Variants in RORB observed in about 807,000 individuals in gnomAD.
RORB encodes the protein RAR related orphan receptor B.
A neutral mutation model predicts 59.1 loss-of-function variants in RORB; 6 were observed. The ratio of observed to expected loss-of-function variants is 0.10; its 90% CI spans 0.06 to 0.20. The LOEUF is 0.20. RORB is among the 10% of genes least tolerant of loss of function. The pLI, the probability that RORB is intolerant of heterozygous loss-of-function variation, is 1.00. For missense variants in RORB, 320 were observed against 560.5 expected (o/e 0.57, Z 4.33); for synonymous variants, 215 against 204.5 (o/e 1.05, Z -0.44).
intron 4 of RORB, among the ~76,000 whole-genome samples, chr9:74,657,379 C>T (rs897189453): frequency 1.4e-4 from 22 of 152,168 alleles, no homozygotes; most frequent in African/African-American, 4.8e-4. Flanking sequence ...CTTGCTCTTT[C>T]GAAACCTCAC....
intron 1 of RORB, among the ~76,000 whole-genome samples, chr9:74,607,989 ACT>A (rs1823175368): frequency 6.6e-6 from 1 of 151,966 alleles, no homozygotes; most frequent in African/African-American, 2.4e-5. Context: ...AACGTGCTGA[ACT>A]CCCCATTGTT....
chr9:74,515,085 G>A (rs1380748411), intron 1 of RORB, among the ~76,000 whole-genome samples: 1 of 148,108 alleles, frequency 6.8e-6, no homozygotes, highest in African/African-American at 2.5e-5. Flanking sequence ...AACATCTGGT[G>A]TATCTAGTGT....
intron 1 of RORB, among the ~76,000 whole-genome samples, chr9:74,499,848 CG>C (rs1315710947): frequency 1.3e-4 from 20 of 152,114 alleles, no homozygotes; most frequent in African/African-American, 4.6e-4. Flanking sequence ...TTCTGAACGT[CG>C]TAAACTATGC....
Position 74,671,774 on chromosome 9 carries a change from T to C in RORB, c.1112-15T>C. ...GTTGATGTTCCCTCCACTTACCCACTCTTTCTTTCATCAGACCGAGCCTGG... is the reference window on the plus strand; with the variant it reads ...GTTGATGTTCCCTCCACTTACCCACCCTTTCTTTCATCAGACCGAGCCTGG... On this transcript the variant is annotated splice_polypyrimidine_tract_variant and intron_variant, in intron 8 of 9. Coordinates refer to ENST00000376896, the MANE Select transcript of RORB (RefSeq NM_006914.4). 6.4e-7 allele frequency: 1 copy of C among 1,564,940 alleles called. No homozygotes were observed. Among genetic ancestry groups the C allele is most frequent in the Non-Finnish European group, 8.8e-7 (1 of 1,140,314 alleles).
chr9:74,630,183 T>C (rs1458158431), intron 1 of RORB, 99 bp from the exon 2 acceptor site: 4 of 1,473,484 alleles, frequency 2.7e-6, no homozygotes, highest in African/African-American at 2.8e-5. Context: ...TATTTTCAAA[T>C]ACAAACATCA....
At chr9:74,576,681 G>A (rs950248783) in intron 1 of RORB, among the ~76,000 whole-genome samples, 13 of 151,902 alleles carry the variant, frequency 8.6e-5, no homozygotes, top group Admixed American at 6.6e-4. Flanking sequence ...TTTTGAACCC[G>A]CCTGGGAAAG....
At chr9:74,514,689 T>C (rs886637887) in intron 1 of RORB, among the ~76,000 whole-genome samples, 1 of 148,574 alleles carries the variant, frequency 6.7e-6, no homozygotes, top group African/African-American at 2.4e-5. Context: ...TATATATAAT[T>C]ATATATACGT....
chr9:74,501,355 C>T (rs1825801724), intron 1 of RORB, among the ~76,000 whole-genome samples: 1 of 152,140 alleles, frequency 6.6e-6, no homozygotes, highest in South Asian at 2.1e-4. Flanking sequence ...GGCAGCCCTT[C>T]AGAAGTATGG....
chr9:74,643,599 C>T (rs1211570190), intron 4 of RORB, among the ~76,000 whole-genome samples: 1 of 152,138 alleles, frequency 6.6e-6, no homozygotes, highest in Non-Finnish European at 1.5e-5. Flanking sequence ...AACTAACTGC[C>T]ATAAAAATAT....
At chr9:74,594,385 T>G (rs1822943009) in intron 1 of RORB, among the ~76,000 whole-genome samples, 1 of 152,152 alleles carries the variant, frequency 6.6e-6, no homozygotes, top group Admixed American at 6.5e-5. Context: ...TCAAACCTTA[T>G]GGAAGCTCCA....
chr9:74,642,664 G>T lies in RORB; in HGVS notation c.486G>T (p.Gln162His). ...SEGYYNVDSG[Q>H]PSPDQSGLDM... Reference sequence around the variant, plus strand: ...GTTATTACAACGTCGATTCCGGTCAGCCGTCCCCTGATCAGTCAGGACTTG... The same window carrying T: ...GTTATTACAACGTCGATTCCGGTCATCCGTCCCCTGATCAGTCAGGACTTG... Residue 162 changes from glutamine to histidine, a missense_variant, in exon 4 of 10, where the codon CAG (glutamine) becomes CAT (histidine). By Grantham distance (24) the Gln-to-His change is conservative (BLOSUM62 0). Coordinates refer to ENST00000376896, the MANE Select transcript of RORB (RefSeq NM_006914.4). The T allele has an allele frequency of 6.2e-7, 1 of 1,614,206 alleles. No individual in the cohort carries two copies.
chr9:74,601,439 C>T (rs1179833086), intron 1 of RORB, among the ~76,000 whole-genome samples: 10 of 151,306 alleles, frequency 6.6e-5, no homozygotes, highest in African/African-American at 1.2e-4. Context: ...ATGTTCCCCT[C>T]ACATGCCTAA....
At chr9:74,643,464 C>T (rs1449414679) in intron 4 of RORB, among the ~76,000 whole-genome samples, 2 of 152,208 alleles carry the variant, frequency 1.3e-5, no homozygotes, top group African/African-American at 2.4e-5. Context: ...CTCTTTCCTT[C>T]GATTCCTAAG....
In RORB at chr9:74,692,253, T is replaced by G. The variant is rs1824750953; in HGVS notation, c.*6635T>G. 1 of 152,204 alleles carries G rather than the reference T, an allele frequency of 6.6e-6. No individual in the cohort carries two copies. 9.4% of individuals were successfully genotyped at this position (152,204 alleles called of 1,614,324 possible). A position where few individuals can be genotyped will look rare whatever the true frequency, so the allele number is the denominator to read the frequency against. On this transcript the variant is annotated 3_prime_UTR_variant, in exon 10 of 10. Transcript: ENST00000376896. ...AGCAACACAGGCAGGAGCAAGTTGTTGAAACTGATGCTTTTCCTGCATCCC... is the reference window on the plus strand; with the variant it reads ...AGCAACACAGGCAGGAGCAAGTTGTGGAAACTGATGCTTTTCCTGCATCCC...
intron 1 of RORB, among the ~76,000 whole-genome samples, chr9:74,577,531 T>G (rs751285084): frequency 2.6e-4 from 39 of 152,062 alleles, no homozygotes; most frequent in Non-Finnish European, 4.7e-4. Flanking sequence ...TGGAAGAAAC[T>G]GTGAGCTATG....
intron 3 of RORB, among the ~76,000 whole-genome samples, chr9:74,637,521 T>C (rs1823726286): frequency 6.6e-6 from 1 of 152,194 alleles, no homozygotes; most frequent in Non-Finnish European, 1.5e-5. Flanking sequence ...TGTGTGCATG[T>C]GTGTGTCTGT....
chr9:74,618,941 G>A (rs1198475411), intron 1 of RORB, among the ~76,000 whole-genome samples: 4 of 152,074 alleles, frequency 2.6e-5, no homozygotes, highest in African/African-American at 9.7e-5. Context: ...ATAATACTTG[G>A]TTGAACTATA....
chr9:74,635,956 C>CAAAAAAAAA (rs11364568), intron 3 of RORB, among the ~76,000 whole-genome samples: 1 of 131,652 alleles, frequency 7.6e-6, no homozygotes, highest in Non-Finnish European at 1.6e-5. Flanking sequence ...CAAATTTGAC[C>CAAAAAAAAA]AAAAAAAAAA....
chr9:74,646,354 T>C (rs1823898562), intron 4 of RORB, among the ~76,000 whole-genome samples: 1 of 152,102 alleles, frequency 6.6e-6, no homozygotes, highest in Non-Finnish European at 1.5e-5. Context: ...GTAAGAACCA[T>C]AACACAACTA....
Sources: gnomAD v4.1 joint callset for allele counts (sites outside exome capture counted in the v4.1 genomes callset) on GRCh38, gnomAD v4.1.1 for gene constraint, MANE v1.5 for transcripts, NCBI Gene and HGNC (gene_info 2026-07-23, HGNC 2026-07-21) for gene names.